SCLY: variants seen among roughly 807,000 people sequenced by gnomAD.
SCLY encodes the protein selenocysteine lyase, also known as putative selenocysteine lyase.
A neutral mutation model predicts 50.1 loss-of-function variants in SCLY; 38 were observed. The observed-to-expected ratio is 0.76, with a 90% CI of 0.59 to 0.99. SCLY has a LOEUF of 0.99. SCLY is among the 50% of genes least tolerant of loss of function. The pLI, the probability that SCLY is intolerant of heterozygous loss-of-function variation, is 0.00. For missense variants in SCLY, 600 were observed against 620.0 expected (o/e 0.97, Z 0.34); for synonymous variants, 243 against 249.4 (o/e 0.97, Z 0.24).
At chr2:238,097,282 A>G (rs1249556341) in intron 11 of SCLY, among the ~76,000 whole-genome samples, 1 of 152,192 alleles carries the variant, frequency 6.6e-6, no homozygotes, top group East Asian at 1.9e-4. Context: ...CAGATCAGCC[A>G]TCTGCAAGAT....
intron 11 of SCLY, among the ~76,000 whole-genome samples, chr2:238,097,300 A>G (rs2065448491): frequency 6.6e-6 from 1 of 152,172 alleles, no homozygotes; most frequent in African/African-American, 2.4e-5. Flanking sequence ...GATGCAGCAG[A>G]GATTCTCAGA....
intron 7 of SCLY, among the ~76,000 whole-genome samples, chr2:238,089,750 C>T (rs1344680234): frequency 6.6e-6 from 1 of 151,832 alleles, no homozygotes. Context: ...GCATTAGACA[C>T]CCCTGTCTTA....
chr2:238,061,507 G>T (rs2065018223), intron 1 of SCLY: 2 of 358,164 alleles, frequency 5.6e-6, no homozygotes, highest in East Asian at 1.8e-4. Flanking sequence ...GAACTTTGGG[G>T]TTCATTCGGA....
rs1346934460 is a variant in SCLY at position 238,081,746 on chromosome 2, GGC to G, written c.523_524del (p.Ala175ArgfsTer24). 6.2e-7 allele frequency: 1 copy of G among 1,614,236 alleles called. No homozygotes were observed. Among genetic ancestry groups the G allele is most frequent in the Non-Finnish European group, 8.5e-7 (1 of 1,180,046 alleles). Reference protein sequence around the residue: ...FVPVSKVSGQAEVDDILAAVR... With the variant: ...FVPVSKVSGQXEVDDILAAVR... Reference sequence around the variant, plus strand: ...TCCCGGTGTCCAAGGTGAGCGGGCAGGCAGAGGTGGACGACATCCTCGCGGCA... The same window carrying G: ...TCCCGGTGTCCAAGGTGAGCGGGCAGAGAGGTGGACGACATCCTCGCGGCA... On this transcript the variant is annotated frameshift_variant, in exon 5 of 12. Transcript: ENST00000254663. LOFTEE classifies it high-confidence loss of function.
At position 238,061,103 on chromosome 2, in the gene SCLY, A is replaced by T. The variant is rs1256154064; in HGVS notation, c.49A>T (p.Ser17Cys). 1 of 1,415,840 alleles carries T rather than the reference A, an allele frequency of 7.1e-7. No homozygotes were observed. Among genetic ancestry groups the T allele is most frequent in the Admixed American group, 3.1e-5 (1 of 32,482 alleles). The allele number at this position is 1,415,840 out of a possible 1,614,324, so 87.7% of individuals were successfully genotyped here. ...GAGGGATGCGCCGGCACCCGCGGCG[A>T]GTCAGCCCAGCGGCTGCGGGAAACA... ...PGRDAPAPAA[S>C]QPSGCGKHNS... Residue 17 changes from serine to cysteine, a missense_variant, in exon 1 of 12, where the codon AGT becomes TGT. By Grantham distance (112) the Ser-to-Cys change is moderately radical (BLOSUM62 -1). Coordinates refer to ENST00000254663, the MANE Select transcript of SCLY (RefSeq NM_016510.7).
chr2:238,064,792 G>A (rs2065053280), intron 2 of SCLY: 1 of 168,610 alleles, frequency 5.9e-6, no homozygotes, highest in South Asian at 1.9e-4. Flanking sequence ...ATCTAGCTCA[G>A]TCAATCCTTA....
At chr2:238,098,070 G>A in intron 11 of SCLY, 132 bp from the exon 12 acceptor site, 2 of 1,051,404 alleles carry the variant, frequency 1.9e-6, no homozygotes, top group South Asian at 1.6e-5. Flanking sequence ...TTAGCAGGAG[G>A]TGGATGCCAG....
chr2:238,082,903 A>G, intron 6 of SCLY: 1 of 340,884 alleles, frequency 2.9e-6, no homozygotes, highest in South Asian at 2.5e-5. Flanking sequence ...ACCCCTCTCT[A>G]TTTATGCATT....
At chr2:238,091,543 GGTTC>G in intron 8 of SCLY, 1 of 328,760 alleles carries the variant, frequency 3.0e-6, no homozygotes. Flanking sequence ...TCAAGCTGCA[GGTTC>G]ACCATTCCCA....
intron 10 of SCLY, chr2:238,096,266 G>A: frequency 5.8e-6 from 1 of 171,706 alleles, no homozygotes; most frequent in Non-Finnish European, 1.3e-5. Context: ...TGCCCAGGCT[G>A]GTCTCAAACT....
In SCLY at chr2:238,098,234, C is replaced by CCTTCGA; in HGVS notation, c.1219_1224dup (p.Phe407_Asp408dup). 1 of 1,611,414 alleles carries CCTTCGA rather than the reference C, an allele frequency of 6.2e-7. No homozygotes were observed. On this transcript the variant is annotated inframe_insertion, in exon 12 of 12. Transcript: ENST00000254663. ...CCAGTGCTGCTGAGCTACGGTGTCC[C>CCTTCGA]CTTCGACGTGGCCAGGAACGCGCTC...
Position 238,094,407 on chromosome 2 carries a change from T to G in SCLY, c.1006-13T>G, listed in dbSNP as rs1234937691. The G allele has an allele frequency of 2.5e-6, 4 of 1,609,198 alleles. No individual in the cohort carries two copies. In the Admixed American group the frequency reaches 6.7e-5, roughly 27 times the overall value. ...TTGAAGCTGTCACCAAATATTTCACTTATTTTTTTCAGGCTGAATTCGGTC... is the reference window on the plus strand; with the variant it reads ...TTGAAGCTGTCACCAAATATTTCACGTATTTTTTTCAGGCTGAATTCGGTC... On this transcript the variant is annotated splice_polypyrimidine_tract_variant and intron_variant, in intron 9 of 11. Coordinates refer to ENST00000254663, the MANE Select transcript of SCLY (RefSeq NM_016510.7).
In SCLY at chr2:238,089,495, A is replaced by G. The variant is rs577556595; in HGVS notation, c.885-1723A>G. ...ACAGATCGTGCCAAGGCAGTTAGAC[A>G]TCCATAGGCAAAAGATGAACCTTGA... On this transcript the variant is annotated intron_variant, in intron 7 of 11. Coordinates refer to ENST00000254663, the MANE Select transcript of SCLY (RefSeq NM_016510.7). Among the ~76,000 whole-genome samples, 10 of 152,320 alleles carry G rather than the reference A, an allele frequency of 6.6e-5. 1 individual carries two copies. The highest frequency in any genetic ancestry group is 5.2e-4 in the Admixed American group (8 of 15,294).
At chr2:238,081,514 C>T (rs952087406) in intron 4 of SCLY, 195 bp from the exon 5 acceptor site, 4 of 646,010 alleles carry the variant, frequency 6.2e-6, no homozygotes, top group Non-Finnish European at 1.0e-5. Context: ...GCGTTAAAGA[C>T]ACGTTCACAC....
intron 11 of SCLY, 38 bp from the exon 12 acceptor site, chr2:238,098,164 C>T: frequency 6.3e-7 from 1 of 1,598,792 alleles, no homozygotes; most frequent in Middle Eastern, 1.7e-4. Context: ...TTCCATGTGC[C>T]CTCAGCAGCA....
intron 3 of SCLY, among the ~76,000 whole-genome samples, chr2:238,068,754 T>C (rs2065099947): frequency 6.6e-6 from 1 of 152,238 alleles, no homozygotes; most frequent in Non-Finnish European, 1.5e-5. Flanking sequence ...AATTGATAGA[T>C]ATTTAAGGAC....
chr2:238,089,588 A>G (rs1489795822), intron 7 of SCLY, among the ~76,000 whole-genome samples: 1 of 152,058 alleles, frequency 6.6e-6, no homozygotes, highest in Non-Finnish European at 1.5e-5. Context: ...GACAGGTTTG[A>G]ATGTAGCCCA....
intron 4 of SCLY, chr2:238,073,665 T>G (rs1361868084): frequency 2.3e-6 from 1 of 426,170 alleles, no homozygotes; most frequent in East Asian, 7.5e-5. Flanking sequence ...GTAAATGTAG[T>G]TGACCCTTGA....
chr2:238,061,337 G>C (rs900306978), intron 1 of SCLY, 194 bp downstream of exon 1: 1 of 704,280 alleles, frequency 1.4e-6, no homozygotes, highest in Admixed American at 2.0e-5. Context: ...GCCCCGCAAG[G>C]GCCCACGGAG....
Sources: gnomAD v4.1 joint callset for allele counts (sites outside exome capture counted in the v4.1 genomes callset) on GRCh38, gnomAD v4.1.1 for gene constraint, MANE v1.5 for transcripts, NCBI Gene and HGNC (gene_info 2026-07-23, HGNC 2026-07-21) for gene names.